Variants in HSPH1 observed in about 807,000 individuals in gnomAD.
HSPH1 encodes the protein heat shock protein family H (Hsp110) member 1.
Under a neutral mutation model 100.0 loss-of-function variants are expected in HSPH1, and 40 were observed. The ratio of observed to expected loss-of-function variants is 0.40; its 90% CI spans 0.31 to 0.52. The LOEUF (loss-of-function observed/expected upper bound fraction) is 0.52, where lower values mean the gene tolerates loss of function less well. Among genes scored for constraint, HSPH1 ranks in the 20% least tolerant of loss-of-function variants. The pLI is 0.54. For missense variants in HSPH1, 876 were observed against 1,015.1 expected, an observed-to-expected ratio of 0.86 and a Z score of 1.86; for synonymous variants, 403 against 344.0, an observed-to-expected ratio of 1.17 and a Z score of -1.90.
chr13:31,158,307 T>C (rs1432745833), intron 2 of HSPH1, among the ~76,000 whole-genome samples: 1 of 152,076 alleles, frequency 6.6e-6, no homozygotes, highest in Non-Finnish European at 1.5e-5. Context: ...TCCCAGCACT[T>C]TGGGAGGCTG....
intron 1 of HSPH1, among the ~76,000 whole-genome samples, chr13:31,159,785 A>G (rs1218428801): frequency 6.6e-6 from 1 of 152,150 alleles, no homozygotes; most frequent in African/African-American, 2.4e-5. Context: ...TAAATTTGCT[A>G]TAATAGAAAC....
At chr13:31,143,378 G>A (rs1956165963) in intron 12 of HSPH1, among the ~76,000 whole-genome samples, 1 of 152,030 alleles carries the variant, frequency 6.6e-6, no homozygotes, top group Non-Finnish European at 1.5e-5. Flanking sequence ...TTGACCGATG[G>A]CTTGAGAGGA....
chr13:31,149,014 T>C (rs928089184), intron 8 of HSPH1, among the ~76,000 whole-genome samples: 5 of 152,198 alleles, frequency 3.3e-5, no homozygotes, highest in Admixed American at 6.5e-5. Flanking sequence ...AATAACTAAA[T>C]AGATGATTAA....
intron 2 of HSPH1, among the ~76,000 whole-genome samples, chr13:31,158,504 G>A (rs1258660196): frequency 4.2e-5 from 6 of 141,346 alleles, no homozygotes; most frequent in Non-Finnish European, 9.0e-5. Flanking sequence ...AGCCGAGATC[G>A]CGCCACTGCA....
At chr13:31,152,498 A>C (rs1399126327) in intron 5 of HSPH1, 1 of 221,188 alleles carries the variant, frequency 4.5e-6, no homozygotes, top group African/African-American at 2.3e-5. Context: ...AAATTTTTTA[A>C]ACTAAATCAT....
At chr13:31,149,877 A>G in intron 8 of HSPH1, 77 bp downstream of exon 8, 1 of 1,159,846 alleles carries the variant, frequency 8.6e-7, no homozygotes, top group Non-Finnish European at 1.3e-6. Flanking sequence ...GTCTCTGTTT[A>G]TTATCCCACC....
Position 31,137,190 on chromosome 13 carries a change from A to G in HSPH1, c.*128T>C, listed in dbSNP as rs536708505. ...AGACTTAAGCTTTTTTTCTTTTTCC[A>G]TATAATACACAAAATTTCTAAATAT... On this transcript the variant is annotated 3_prime_UTR_variant, in exon 18 of 18. Coordinates refer to ENST00000320027, the MANE Select transcript of HSPH1 (RefSeq NM_006644.4). 21 of 739,344 alleles carry G rather than the reference A, an allele frequency of 2.8e-5. No homozygotes were observed. Among genetic ancestry groups the G allele is most frequent in the Middle Eastern group, 2.8e-4 (1 of 3,636 alleles). The allele number at this position is 739,344 out of a possible 1,614,324, so 45.8% of individuals were successfully genotyped here.
chr13:31,151,247 G>A lies in HSPH1; in HGVS notation c.664-56C>T, dbSNP rs530103980. ...TTATTTTCAATCACATTTGTAACTA[G>A]AATCTTAAATATTACTACTCAAACA... On this transcript the variant is annotated intron_variant, in intron 6 of 17. Coordinates refer to ENST00000320027, the MANE Select transcript of HSPH1 (RefSeq NM_006644.4). The A allele has an allele frequency of 1.2e-5, 16 of 1,389,626 alleles. No individual in the cohort carries two copies. The Admixed American group carries it at 3.0e-4, about 26-fold the overall frequency. The allele number at this position is 1,389,626 out of a possible 1,614,324, so 86.1% of individuals were successfully genotyped here. A position where few individuals can be genotyped will look rare whatever the true frequency, so the allele number is the denominator to read the frequency against.
chr13:31,139,432 A>C (rs1956007773), intron 14 of HSPH1, among the ~76,000 whole-genome samples: 1 of 152,064 alleles, frequency 6.6e-6, no homozygotes, highest in African/African-American at 2.4e-5. Flanking sequence ...ATTGACAATC[A>C]CTGAACACAT....
At position 31,152,953 on chromosome 13, in the gene HSPH1, TACAA is replaced by T. The variant is rs749668880; in HGVS notation, c.430-6_430-3del. 27 of 1,603,816 alleles carry T rather than the reference TACAA, an allele frequency of 1.7e-5. No homozygotes were observed. The highest frequency in any genetic ancestry group is 5.0e-5 in the Admixed American group (3 of 59,586). ...AGCATCTGTAAAGAAGGAGGGGACCTACAAACAAACAAAAAATTTTGAATTATCT... is the reference window on the plus strand; with the variant it reads ...AGCATCTGTAAAGAAGGAGGGGACCTACAAACAAAAAATTTTGAATTATCT... On this transcript the variant is annotated splice_region_variant and splice_polypyrimidine_tract_variant and intron_variant, in intron 4 of 17. Coordinates refer to ENST00000320027, the MANE Select transcript of HSPH1 (RefSeq NM_006644.4).
At chr13:31,153,474 A>C (rs1438446425) in intron 4 of HSPH1, among the ~76,000 whole-genome samples, 1 of 152,224 alleles carries the variant, frequency 6.6e-6, no homozygotes, top group African/African-American at 2.4e-5. Context: ...TTAAGATTAC[A>C]AAATCACTTT....
rs143696300 is a variant in HSPH1 at position 31,147,343 on chromosome 13, T to C, written c.1378+616A>G. On this transcript the variant is annotated intron_variant, in intron 10 of 17. Coordinates refer to ENST00000320027, the MANE Select transcript of HSPH1 (RefSeq NM_006644.4). Reference sequence around the variant, plus strand: ...AACACAACTGATCAGGTTGGACTCCTTCAAACAATTTATTTATGAAAAGGT... The same window carrying C: ...AACACAACTGATCAGGTTGGACTCCCTCAAACAATTTATTTATGAAAAGGT... Among the ~76,000 whole-genome samples the C allele has an allele frequency of 4.6e-3, 698 of 152,232 alleles. 9 individuals are homozygous for C. Among genetic ancestry groups the C allele is most frequent in the African/African-American group, 0.016 (661 of 41,558 alleles).
rs770291834 is a variant in HSPH1, at chr13:31,141,273, A to G, written c.1717-14T>C. 2 of 1,572,628 alleles carry G rather than the reference A, an allele frequency of 1.3e-6. No individual in the cohort carries two copies. Among genetic ancestry groups the G allele is most frequent in the Non-Finnish European group, 1.7e-6 (2 of 1,164,494 alleles). ...TTTTTCATTTGCCTTGGGAAGAGGA[A>G]TAAAAAAAGGAAAAAATTTTAAACA... On this transcript the variant is annotated splice_polypyrimidine_tract_variant and intron_variant, in intron 12 of 17. Transcript: ENST00000320027.
At chr13:31,142,794 C>CG (rs2137556066) in intron 12 of HSPH1, among the ~76,000 whole-genome samples, 1 of 152,140 alleles carries the variant, frequency 6.6e-6, no homozygotes, top group Admixed American at 6.6e-5. Context: ...CTAAGACTAT[C>CG]GGCAAGAGTT....
rs747358468 is a variant in HSPH1, at chr13:31,138,795, C to T, written c.2194G>A (p.Asp732Asn). 2.2e-5 allele frequency: 36 copies of T among 1,606,684 alleles called. 1 individual carries two copies. In the South Asian group the frequency reaches 4.0e-4, roughly 18 times the overall value. The change falls in exon 16 of 18, where the codon GAC becomes AAC. Residue 732 changes from aspartate (D) to asparagine (N), a missense_variant. Transcript: ENST00000320027. ...RLQHYAKIAA[D>N]FRNKDEKYNH... is the part of the protein sequence containing the mutation. ...GACTGACTCACCTTATTTCTGAAGT[C>T]AGCTGCTATCTTGGCATAATGCTGC... is the stretch of plus-strand genomic sequence containing the variant.
intron 14 of HSPH1, 83 bp downstream of exon 14, chr13:31,140,101 A>C (rs1272351016): frequency 7.6e-7 from 1 of 1,309,932 alleles, no homozygotes; most frequent in Non-Finnish European, 1.0e-6. Flanking sequence ...TAATTGAGTA[A>C]AAGCTTAAGC....
chr13:31,155,658 C>G lies in HSPH1; in HGVS notation c.166-4G>C. The G allele has an allele frequency of 1.9e-6, 3 of 1,571,486 alleles. No individual in the cohort carries two copies. The highest frequency in any genetic ancestry group is 1.7e-6 in the Non-Finnish European group (2 of 1,161,742). On this transcript the variant is annotated splice_polypyrimidine_tract_variant and splice_region_variant and intron_variant, in intron 2 of 17. Transcript: ENST00000320027. ...TATTGTTTGCATGAGTGATTTGCTG[C>G]AAAAAGAAGTTTGAGATTTTAATTT...
At chr13:31,150,622 A>T (rs984724217) in intron 7 of HSPH1, among the ~76,000 whole-genome samples, 2 of 152,186 alleles carry the variant, frequency 1.3e-5, no homozygotes, top group Non-Finnish European at 2.9e-5. Flanking sequence ...ATTACTTTCA[A>T]TGGTTATTTC....
At chr13:31,152,798 A>G (rs1003141460) in intron 5 of HSPH1, 54 bp downstream of exon 5, 10 of 1,188,160 alleles carry the variant, frequency 8.4e-6, no homozygotes, top group Non-Finnish European at 1.1e-5. Context: ...TAGCACTGAG[A>G]ACATCTTTAG....
Sources: allele counts gnomAD v4.1 joint callset (sites outside exome capture counted in the v4.1 genomes callset), GRCh38; gene constraint gnomAD v4.1.1; transcripts MANE v1.5; gene names NCBI Gene and HGNC (gene_info 2026-07-23, HGNC 2026-07-21).